The following CRYBB1 variants were observed in gnomAD, a reference collection of about 807,000 sequenced individuals.
The protein encoded by CRYBB1 is crystallin beta B1.
A neutral mutation model predicts 29.5 loss-of-function variants in CRYBB1; 16 were observed. The observed-to-expected ratio is 0.54, with a 90% CI of 0.37 to 0.82. The LOEUF is 0.82. Among genes scored for constraint, CRYBB1 ranks in the 40% least tolerant of loss-of-function variants. The pLI, the probability that CRYBB1 is intolerant of heterozygous loss-of-function variation, is 0.00. For synonymous variants in CRYBB1, 127 were observed against 136.7 expected (o/e 0.93, Z 0.49); for missense variants, 300 against 350.5 (o/e 0.86, Z 1.15).
At chr22:26,612,982 CCTCT>C (rs1225431991) in intron 2 of CRYBB1, among the ~76,000 whole-genome samples, 1 of 152,030 alleles carries the variant, frequency 6.6e-6, no homozygotes, top group African/African-American at 2.4e-5. Flanking sequence ...TTGGGGTCTC[CCTCT>C]CTCTCTGCAC....
rs550876926 is a variant in CRYBB1, at chr22:26,607,020, T to A, written c.432+869A>T. 2.0e-3 allele frequency among the ~76,000 whole-genome samples: 76 copies of A among 38,014 alleles called. 1 individual carries two copies. The East Asian group carries it at 0.08, about 40-fold the overall frequency. The allele number at this position is 38,014 out of a possible 152,430, so 24.9% of individuals were successfully genotyped here. ...CTGCGTTTCTACAGTATCCCTCTCC[T>A]TTTTTTTTTTTTTTTTTTTTGAGAT... is the stretch of plus-strand genomic sequence containing the variant. On this transcript the variant is annotated intron_variant, in intron 4 of 5. Coordinates refer to ENST00000647684, the MANE Select transcript of CRYBB1 (RefSeq NM_001887.4).
chr22:26,600,791 A>G (rs1354545400), intron 5 of CRYBB1, among the ~76,000 whole-genome samples: 1 of 152,222 alleles, frequency 6.6e-6, no homozygotes, highest in Non-Finnish European at 1.5e-5. Context: ...TTTAAGTTCC[A>G]TCCTCTGCAG....
intron 3 of CRYBB1, among the ~76,000 whole-genome samples, chr22:26,610,781 A>G (rs1365374003): frequency 6.6e-6 from 1 of 152,122 alleles, no homozygotes; most frequent in African/African-American, 2.4e-5. Flanking sequence ...AGGAGTGGTG[A>G]GGGCCATCCT....
At chr22:26,606,161 A>T (rs962550712) in intron 4 of CRYBB1, among the ~76,000 whole-genome samples, 1 of 152,222 alleles carries the variant, frequency 6.6e-6, no homozygotes, top group African/African-American at 2.4e-5. Flanking sequence ...CCCTGGCTGC[A>T]CAGACGGACT....
At chr22:26,610,038 G>T (rs554604779) in intron 3 of CRYBB1, among the ~76,000 whole-genome samples, 3 of 77,626 alleles carry the variant, frequency 3.9e-5, no homozygotes, top group African/African-American at 5.6e-5. Flanking sequence ...CACTGATGTG[G>T]TCTTGCCACC....
chr22:26,611,464 T>G (rs913369960), intron 3 of CRYBB1, among the ~76,000 whole-genome samples: 45 of 136,626 alleles, frequency 3.3e-4, no homozygotes, highest in Non-Finnish European at 5.7e-4. Context: ...GTTTTTTTTT[T>G]TTTTGTTTTT....
chr22:26,604,182 G>A (rs1381192965), intron 4 of CRYBB1, among the ~76,000 whole-genome samples: 1 of 152,166 alleles, frequency 6.6e-6, no homozygotes, highest in African/African-American at 2.4e-5. Flanking sequence ...CAAACCCACA[G>A]ACCTTGGTTC....
chr22:26,607,938 G>C lies in CRYBB1; in HGVS notation c.383C>G (p.Ser128Trp), dbSNP rs201327237. 1.9e-6 allele frequency: 3 copies of C among 1,614,200 alleles called. No individual in the cohort carries two copies. The highest frequency in any genetic ancestry group is 2.5e-6 in the Non-Finnish European group (3 of 1,180,034). ...GAGCCGATCACTGCGGTAGCTGCTC[G>C]ACCATGTGTTCCAGCGAGGGTACTC... Reference protein sequence around the residue: ...KGEYPRWNTWSSSYRSDRLMS... With the variant: ...KGEYPRWNTWWSSYRSDRLMS... Residue 128 changes from serine to tryptophan, a missense_variant, in exon 4 of 6, where the codon TCG (serine) becomes TGG (tryptophan). By Grantham distance (177) the Ser-to-Trp change is radical. Coordinates refer to ENST00000647684, the MANE Select transcript of CRYBB1 (RefSeq NM_001887.4).
intron 2 of CRYBB1, among the ~76,000 whole-genome samples, chr22:26,614,318 C>G (rs943412160): frequency 5.9e-5 from 9 of 152,174 alleles, no homozygotes; most frequent in Admixed American, 5.9e-4. Context: ...CATCACGGAA[C>G]CTACTGACAT....
rs552706005 is a variant in CRYBB1 at position 26,599,595 on chromosome 22, C to T, written c.654G>A (p.Glu218=). The T allele has an allele frequency of 1.2e-5, 19 of 1,614,064 alleles. No individual in the cohort carries two copies. The highest frequency in any genetic ancestry group is 3.3e-5 in the Admixed American group (2 of 60,016). Residue 218 remains glutamate, a synonymous_variant, in exon 6 of 6, where the codon GAG becomes GAA. Transcript: ENST00000647684. ...GCATCTGTGGCTGGAAGGCTCCCCA[C>T]TCATTCCAGTGCCGGAAGTCACCAG... ...LEPGDFRHWN[E]WGAFQPQMQS...
intron 1 of CRYBB1, among the ~76,000 whole-genome samples, chr22:26,617,078 G>A (rs974300473): frequency 2.0e-5 from 3 of 152,218 alleles, no homozygotes; most frequent in Non-Finnish European, 4.4e-5. Context: ...AGGGGTTGGT[G>A]TATGGGTGCA....
chr22:26,599,748 G>T, intron 5 of CRYBB1, 75 bp from the exon 6 acceptor site: 3 of 1,172,552 alleles, frequency 2.6e-6, no homozygotes, highest in Middle Eastern at 1.9e-4. Context: ...TGCCAGACCA[G>T]CCTGTCCTTC....
At chr22:26,606,011 A>C (rs1048970594) in intron 4 of CRYBB1, among the ~76,000 whole-genome samples, 1 of 151,958 alleles carries the variant, frequency 6.6e-6, no homozygotes, top group Admixed American at 6.6e-5. Context: ...ACATTATGAG[A>C]TTTTTTTTGC....
At chr22:26,613,267 T>C (rs527535171) in intron 2 of CRYBB1, among the ~76,000 whole-genome samples, 1 of 152,344 alleles carries the variant, frequency 6.6e-6, no homozygotes. Context: ...GGCACAATTT[T>C]CTGCCTTCTT....
rs190329267 is a variant in CRYBB1 at position 26,615,645 on chromosome 22, C to T, written c.180+495G>A. Among the ~76,000 whole-genome samples the T allele has an allele frequency of 2.3e-3, 344 of 152,166 alleles. 1 individual carries two copies. Among genetic ancestry groups the T allele is most frequent in the African/African-American group, 7.9e-3 (326 of 41,506 alleles). The stretch of plus-strand genomic sequence containing the variant: ...TCTCCTGCCTCAGCCTCCCAAGTAG[C>T]TGGGATTACAGGCGCCCACCACTAC... On this transcript the variant is annotated intron_variant, in intron 2 of 5. Coordinates refer to ENST00000647684, the MANE Select transcript of CRYBB1 (RefSeq NM_001887.4).
intron 3 of CRYBB1, among the ~76,000 whole-genome samples, 167 bp downstream of exon 3, chr22:26,611,905 G>C (rs1381259921): frequency 6.6e-6 from 1 of 152,288 alleles, no homozygotes; most frequent in East Asian, 1.9e-4. Context: ...AAATGAGATT[G>C]AGAACAATTC....
chr22:26,600,851 A>G (rs1338848370), intron 5 of CRYBB1, among the ~76,000 whole-genome samples: 1 of 152,202 alleles, frequency 6.6e-6, no homozygotes, highest in Admixed American at 6.5e-5. Flanking sequence ...CAAATCCTAG[A>G]AACCTCTCCT....
In CRYBB1 at chr22:26,599,648, A is replaced by G; in HGVS notation, c.601T>C (p.Tyr201His). ...GTWVGYQYPG[Y>H]RGYQYLLEPG... Reference sequence around the variant, plus strand: ...TCTAGGAGGTACTGGTACCCGCGGTAGCCAGGATACTGATAGCCAACCCAT... The same window carrying G: ...TCTAGGAGGTACTGGTACCCGCGGTGGCCAGGATACTGATAGCCAACCCAT... The change falls in exon 6 of 6, where the codon TAC (tyrosine) becomes CAC (histidine). Residue 201 changes from tyrosine (Y) to histidine (H), a missense_variant. By Grantham distance (83) the Tyr-to-His change is moderately conservative. Transcript: ENST00000647684. 1 of 1,614,150 alleles carries G rather than the reference A, an allele frequency of 6.2e-7. No homozygotes were observed. Among genetic ancestry groups the G allele is most frequent in the Non-Finnish European group, 8.5e-7 (1 of 1,179,986 alleles).
At chr22:26,615,893 G>T (rs1929334472) in intron 2 of CRYBB1, among the ~76,000 whole-genome samples, 2 of 152,184 alleles carry the variant, frequency 1.3e-5, no homozygotes, top group Non-Finnish European at 1.5e-5. Context: ...TGTCCCAGAA[G>T]GAGGAGGGAG....
Sources: gnomAD v4.1 joint callset for allele counts (sites outside exome capture counted in the v4.1 genomes callset) on GRCh38, gnomAD v4.1.1 for gene constraint, MANE v1.5 for transcripts, NCBI Gene and HGNC (gene_info 2026-07-23, HGNC 2026-07-21) for gene names.